Variants in MPP7 observed in about 807,000 individuals in gnomAD.
The protein encoded by MPP7 is MAGUK p55 scaffold protein 7.
MPP7 carries 60 observed loss-of-function variants against 76.5 expected under a neutral mutation model. That is an observed-to-expected ratio of 0.78 (90% CI 0.64 to 0.97). MPP7 has a LOEUF of 0.97. Ranked by LOEUF, MPP7 falls within the 50% of genes least tolerant of loss-of-function variation. The pLI is 0.00. For synonymous variants in MPP7, 237 were observed against 244.5 expected (o/e 0.97, Z 0.29); for missense variants, 641 against 694.0 (o/e 0.92, Z 0.86).
At chr10:28,226,434 A>T (rs1423408378) in intron 2 of MPP7, among the ~76,000 whole-genome samples, 1 of 152,098 alleles carries the variant, frequency 6.6e-6, no homozygotes, top group Non-Finnish European at 1.5e-5. Context: ...TTTGGTAGAG[A>T]CAGGGTTTCA....
intron 12 of MPP7, among the ~76,000 whole-genome samples, chr10:28,070,321 C>T (rs957142386): frequency 1.3e-5 from 2 of 152,116 alleles, no homozygotes; most frequent in Non-Finnish European, 2.9e-5. Flanking sequence ...ATGGTGTGAA[C>T]CCGGGAGGCG....
At chr10:28,063,477 A>AT (rs1402738133) in intron 13 of MPP7, among the ~76,000 whole-genome samples, 4 of 151,266 alleles carry the variant, frequency 2.6e-5, no homozygotes, top group Admixed American at 1.3e-4. Flanking sequence ...AAAAAAAAAA[A>AT]GTCAAAAGAT....
intron 1 of MPP7, chr10:28,282,266 G>A (rs1478855553): frequency 6.6e-6 from 1 of 152,024 alleles, no homozygotes; most frequent in Non-Finnish European, 1.5e-5. Context: ...CCGCTTCCAG[G>A]GCAGTTCAGC....
Position 28,147,510 on chromosome 10 carries a change from C to T in MPP7, c.288G>A (p.Leu96=), listed in dbSNP as rs1835747719. ...KPLNSEIREL[L]KLLSKPNVKA... is the part of the protein sequence containing the mutation. The stretch of plus-strand genomic sequence containing the variant: ...TCACATTGGGTTTTGACAGTAGTTT[C>T]AACAGCTCTCTGATCTCACTGTTTA... Residue 96 remains leucine, a synonymous_variant, in exon 5 of 17, where the codon TTG becomes TTA. Coordinates refer to ENST00000683449, the MANE Select transcript of MPP7 (RefSeq NM_001318170.2). 2.5e-6 allele frequency: 4 copies of T among 1,613,936 alleles called. No homozygotes were observed. The highest frequency in any genetic ancestry group is 2.7e-5 in the African/African-American group (2 of 74,920).
intron 1 of MPP7, among the ~76,000 whole-genome samples, chr10:28,252,922 G>A (rs533000639): frequency 2.0e-5 from 3 of 146,976 alleles, no homozygotes; most frequent in Admixed American, 6.8e-5. Flanking sequence ...TTTTTTGGGA[G>A]GGGGGGGCGG....
At chr10:28,148,070 C>T (rs1023264873) in intron 4 of MPP7, among the ~76,000 whole-genome samples, 1 of 152,110 alleles carries the variant, frequency 6.6e-6, no homozygotes, top group Non-Finnish European at 1.5e-5. Flanking sequence ...GAGCAAATGG[C>T]CTGAAACTTT....
intron 1 of MPP7, among the ~76,000 whole-genome samples, chr10:28,302,051 GC>G (rs545418582): frequency 1.3e-5 from 2 of 151,886 alleles, no homozygotes; most frequent in East Asian, 1.9e-4. Flanking sequence ...TTTTTAGAGA[GC>G]CCCCCCTTTT....
intron 3 of MPP7, among the ~76,000 whole-genome samples, chr10:28,179,805 T>C (rs1198080449): frequency 6.6e-6 from 1 of 152,210 alleles, no homozygotes; most frequent in African/African-American, 2.4e-5. Context: ...CAAAGATACA[T>C]GCCAACTTTG....
chr10:28,131,896 T>C (rs191752166), intron 5 of MPP7, among the ~76,000 whole-genome samples: 3 of 152,306 alleles, frequency 2.0e-5, no homozygotes, highest in Admixed American at 1.3e-4. Flanking sequence ...AGAGAGCAGA[T>C]AGCAGCTCTA....
At chr10:28,332,221 A>G (rs896500202) in intron 1 of MPP7, among the ~76,000 whole-genome samples, 1 of 147,636 alleles carries the variant, frequency 6.8e-6, no homozygotes, top group Non-Finnish European at 1.5e-5. Flanking sequence ...TGAGACACGT[A>G]CATTGCCAGT....
rs375822942 is a variant in MPP7, at chr10:28,238,657, C to G, written c.-53G>C. 2.5e-4 allele frequency: 394 copies of G among 1,595,716 alleles called. No homozygotes were observed. The African/African-American group carries it at 4.9e-3, about 20-fold the overall frequency. Reference sequence around the variant, plus strand: ...CACCGCTCTCCGGACACCCTGCCTTCGGACAGCCACAGGGAATTCCAATTC... The same window carrying G: ...CACCGCTCTCCGGACACCCTGCCTTGGGACAGCCACAGGGAATTCCAATTC... On this transcript the variant is annotated 5_prime_UTR_variant, in exon 2 of 17. Transcript: ENST00000683449.
chr10:28,204,998 TC>T (rs1837905051), intron 2 of MPP7, among the ~76,000 whole-genome samples: 1 of 152,218 alleles, frequency 6.6e-6, no homozygotes, highest in Non-Finnish European at 1.5e-5. Flanking sequence ...AAATAATTTT[TC>T]TGTTAGCAGA....
Position 28,080,009 on chromosome 10 carries a change from C to T in MPP7, c.1123+9662G>A, listed in dbSNP as rs778862955. Among the ~76,000 whole-genome samples the T allele has an allele frequency of 1.6e-4, 19 of 118,424 alleles. No individual in the cohort carries two copies. In the Admixed American group the frequency reaches 1.8e-3, roughly 11 times the overall value. The allele number at this position is 118,424 out of a possible 152,430, so 77.7% of individuals were successfully genotyped here. A position where few individuals can be genotyped will look rare whatever the true frequency, so the allele number is the denominator to read the frequency against. On this transcript the variant is annotated intron_variant, in intron 12 of 16. Coordinates refer to ENST00000683449, the MANE Select transcript of MPP7 (RefSeq NM_001318170.2). Reference sequence around the variant, plus strand: ...TGGTGCGGGGTGCCTATAATCCCAGCGGAAGAATGGCTCAAACCCAGAAGG... The same window carrying T: ...TGGTGCGGGGTGCCTATAATCCCAGTGGAAGAATGGCTCAAACCCAGAAGG...
intron 2 of MPP7, among the ~76,000 whole-genome samples, chr10:28,214,277 G>A (rs866097703): frequency 2.6e-5 from 4 of 152,110 alleles, no homozygotes; most frequent in Middle Eastern, 3.2e-3. Flanking sequence ...CTGTATCCAG[G>A]AAACTTTACA....
intron 6 of MPP7, among the ~76,000 whole-genome samples, chr10:28,129,135 A>G (rs1835112511): frequency 6.6e-6 from 1 of 152,120 alleles, no homozygotes; most frequent in Admixed American, 6.6e-5. Flanking sequence ...TCTTACCACA[A>G]TTGTTTGATG....
intron 11 of MPP7, among the ~76,000 whole-genome samples, chr10:28,096,621 G>A (rs78940385): frequency 0.012 from 1,836 of 152,152 alleles, 53 homozygotes; most frequent in East Asian, 0.11. Context: ...AACTGTTTAC[G>A]TGTTTGAATT....
intron 1 of MPP7, among the ~76,000 whole-genome samples, chr10:28,299,365 A>C (rs943092314): frequency 1.3e-5 from 2 of 152,146 alleles, no homozygotes; most frequent in Non-Finnish European, 2.9e-5. Flanking sequence ...TGGGGAGAGG[A>C]AGAGAGTTGG....
chr10:28,068,276 G>C (rs1425824299), intron 13 of MPP7, among the ~76,000 whole-genome samples: 1 of 151,980 alleles, frequency 6.6e-6, no homozygotes, highest in East Asian at 1.9e-4. Context: ...CCTATAACTT[G>C]TGACTGAAAA....
chr10:28,207,823 G>C (rs1837998765), intron 2 of MPP7, among the ~76,000 whole-genome samples: 1 of 152,162 alleles, frequency 6.6e-6, no homozygotes, highest in Non-Finnish European at 1.5e-5. Flanking sequence ...AACACCCAAG[G>C]TGGAAAGGCA....
Sources: gnomAD v4.1 joint callset for allele counts (sites outside exome capture counted in the v4.1 genomes callset) on GRCh38, gnomAD v4.1.1 for gene constraint, MANE v1.5 for transcripts, NCBI Gene and HGNC (gene_info 2026-07-23, HGNC 2026-07-21) for gene names.